Variants in RIN3 observed in about 807,000 individuals in gnomAD.
RIN3 encodes the protein RAB5 interacting protein 3.
A neutral mutation model predicts 76.3 loss-of-function variants in RIN3; 54 were observed. That is an observed-to-expected ratio of 0.71 (90% confidence interval 0.57 to 0.89). The LOEUF (loss-of-function observed/expected upper bound fraction) is 0.89. RIN3 is among the 40% of genes least tolerant of loss of function. The pLI is 0.00. For synonymous variants in RIN3, 576 were observed against 564.0 expected (o/e 1.02, Z -0.30); for missense variants, 1,256 against 1,322.1 (o/e 0.95, Z 0.78).
At chr14:92,627,078 C>T (rs974217045) in intron 4 of RIN3, among the ~76,000 whole-genome samples, 4 of 152,270 alleles carry the variant, frequency 2.6e-5, no homozygotes, top group Admixed American at 2.0e-4. Context: ...CATTCTCCTT[C>T]TAATATTTCA....
At chr14:92,665,050 T>C (rs1888038061) in intron 7 of RIN3, among the ~76,000 whole-genome samples, 1 of 152,150 alleles carries the variant, frequency 6.6e-6, no homozygotes, top group Admixed American at 6.5e-5. Context: ...GAGTGCGTCA[T>C]TAGACAATTT....
chr14:92,539,074 G>A (rs1897074980), intron 1 of RIN3, among the ~76,000 whole-genome samples: 1 of 151,932 alleles, frequency 6.6e-6, no homozygotes, highest in African/African-American at 2.4e-5. Context: ...TGGTGACCTG[G>A]GTCTTTTGTC....
chr14:92,671,328 G>A (rs1193733583), intron 7 of RIN3, among the ~76,000 whole-genome samples: 2 of 152,108 alleles, frequency 1.3e-5, no homozygotes, highest in Non-Finnish European at 2.9e-5. Context: ...CCCAGGAGGG[G>A]GGGAACTGCG....
chr14:92,525,636 G>A (rs1038171155), intron 1 of RIN3, among the ~76,000 whole-genome samples: 7 of 152,088 alleles, frequency 4.6e-5, no homozygotes, highest in South Asian at 2.1e-4. Flanking sequence ...AGGGTGGGCC[G>A]CCAAGGGAGA....
chr14:92,593,640 T>C (rs2140080120), intron 3 of RIN3, among the ~76,000 whole-genome samples: 1 of 152,292 alleles, frequency 6.6e-6, no homozygotes, highest in Middle Eastern at 3.4e-3. Context: ...TTTATACATA[T>C]GTAACAAACC....
intron 7 of RIN3, among the ~76,000 whole-genome samples, chr14:92,665,961 G>A (rs1410996018): frequency 6.6e-6 from 1 of 151,828 alleles, no homozygotes; most frequent in East Asian, 1.9e-4. Flanking sequence ...GTGGTATGCA[G>A]CCCAGCAGCT....
intron 2 of RIN3, among the ~76,000 whole-genome samples, chr14:92,561,020 TAAA>T (rs1324990452): frequency 4.2e-4 from 10 of 23,642 alleles, no homozygotes; most frequent in African/African-American, 1.0e-3. Context: ...AAACTCTGTC[TAAA>T]AAAAAAAAAA....
chr14:92,527,181 G>T (rs1233563594), intron 1 of RIN3, among the ~76,000 whole-genome samples: 1 of 151,534 alleles, frequency 6.6e-6, no homozygotes, highest in Admixed American at 6.6e-5. Context: ...CTTCTGAGTA[G>T]CTGGGACTAC....
intron 7 of RIN3, among the ~76,000 whole-genome samples, chr14:92,661,760 A>ACAC (rs1419895576): frequency 2.4e-3 from 312 of 128,024 alleles, no homozygotes; most frequent in Admixed American, 6.7e-3. Flanking sequence ...CACACACACA[A>ACAC]AAAATAGAAT....
intron 3 of RIN3, among the ~76,000 whole-genome samples, chr14:92,591,248 T>C (rs1595439978): frequency 6.6e-6 from 1 of 152,268 alleles, no homozygotes; most frequent in African/African-American, 2.4e-5. Flanking sequence ...AAGGAATCTC[T>C]GAGCATGATA....
chr14:92,577,308 C>T (rs1898273235), intron 2 of RIN3, 52 bp from the exon 3 acceptor site: 2 of 1,341,916 alleles, frequency 1.5e-6, no homozygotes, highest in Admixed American at 3.4e-5. Context: ...GTCCTCCTCA[C>T]CTTCACCCAA....
intron 4 of RIN3, among the ~76,000 whole-genome samples, chr14:92,639,128 G>A (rs925866716): frequency 1.3e-5 from 2 of 152,210 alleles, no homozygotes; most frequent in African/African-American, 2.4e-5. Flanking sequence ...TAAGCACTGC[G>A]GGGCTTTGGA....
intron 4 of RIN3, among the ~76,000 whole-genome samples, chr14:92,636,759 C>T (rs1271058067): frequency 6.6e-6 from 1 of 151,152 alleles, no homozygotes; most frequent in Non-Finnish European, 1.5e-5. Context: ...TTTTAAAATA[C>T]ATGATGTGGG....
intron 8 of RIN3, among the ~76,000 whole-genome samples, chr14:92,684,511 G>T (rs1476173229): frequency 6.6e-6 from 1 of 151,928 alleles, no homozygotes; most frequent in Non-Finnish European, 1.5e-5. Context: ...TGGAAGCATG[G>T]TTTCTACTGA....
chr14:92,640,184 C>T (rs867425331), intron 4 of RIN3, among the ~76,000 whole-genome samples: 8 of 96,886 alleles, frequency 8.3e-5, no homozygotes, highest in South Asian at 4.2e-4. Context: ...TGGGAGATGC[C>T]TGACTGTGTG....
intron 7 of RIN3, 136 bp from the exon 8 acceptor site, chr14:92,676,339 C>T (rs1469561861): frequency 9.7e-7 from 1 of 1,027,190 alleles, no homozygotes; most frequent in African/African-American, 1.6e-5. Flanking sequence ...TCCTGAGAGT[C>T]ATGAGAGAGC....
rs541855461 is a variant in RIN3, at chr14:92,653,899, T to G, written c.2026+824T>G. ...CAGGCATGGAGGCACGCACCTGTAG[T>G]CTCATCTATTTGGGAGGCTGAGGCA... On this transcript the variant is annotated intron_variant, in intron 6 of 9. Coordinates refer to ENST00000216487, the MANE Select transcript of RIN3 (RefSeq NM_024832.5). Among the ~76,000 whole-genome samples, 5 of 152,088 alleles carry G rather than the reference T, an allele frequency of 3.3e-5. No individual in the cohort carries two copies. The South Asian group carries it at 1.0e-3, about 32-fold the overall frequency.
chr14:92,608,488 G>A (rs1160130988), intron 3 of RIN3, among the ~76,000 whole-genome samples: 1 of 152,142 alleles, frequency 6.6e-6, no homozygotes, highest in East Asian at 1.9e-4. Flanking sequence ...GCTCTTGACA[G>A]TTCGTTTGCA....
chr14:92,616,260 T>A (rs1338424164), intron 4 of RIN3, among the ~76,000 whole-genome samples: 1 of 152,156 alleles, frequency 6.6e-6, no homozygotes, highest in East Asian at 1.9e-4. Flanking sequence ...AGGGGTTTAT[T>A]GAAAATGAAA....
Sources: gnomAD v4.1 joint callset for allele counts (sites outside exome capture counted in the v4.1 genomes callset) on GRCh38, gnomAD v4.1.1 for gene constraint, MANE v1.5 for transcripts, NCBI Gene and HGNC (gene_info 2026-07-23, HGNC 2026-07-21) for gene names.